The following ERG variants were observed in gnomAD, a reference collection of about 807,000 sequenced individuals.
ERG encodes the protein ETS transcription factor ERG, also known as transcriptional regulator ERG.
Under a neutral mutation model 55.3 loss-of-function variants are expected in ERG, and 9 were observed. That is an observed-to-expected ratio of 0.16 (90% CI 0.10 to 0.28). ERG has a LOEUF of 0.28. Among genes scored for constraint, ERG ranks in the 10% least tolerant of loss-of-function variants. The probability of loss-of-function intolerance (pLI) is 1.00; values close to 1 mark genes in which losing one functional copy is unlikely to be tolerated. For synonymous variants in ERG, 223 were observed against 237.3 expected (o/e 0.94, Z 0.55); for missense variants, 434 against 631.6 (o/e 0.69, Z 3.35).
intron 1 of ERG, among the ~76,000 whole-genome samples, chr21:38,636,285 A>G (rs1222312528): frequency 1.3e-5 from 2 of 152,190 alleles, no homozygotes; most frequent in Admixed American, 1.3e-4. Flanking sequence ...TCAGTTATGT[A>G]CTTATAGGAG....
intron 3 of ERG, among the ~76,000 whole-genome samples, chr21:38,423,115 G>GTGTGTA (rs934388179): frequency 3.3e-5 from 5 of 151,106 alleles, no homozygotes; most frequent in African/African-American, 1.2e-4. Context: ...GTGTGTGTGT[G>GTGTGTA]TGTGTGTGTA....
intron 1 of ERG, among the ~76,000 whole-genome samples, chr21:38,654,845 T>A (rs1303566903): frequency 6.6e-6 from 1 of 152,208 alleles, no homozygotes; most frequent in Non-Finnish European, 1.5e-5. Flanking sequence ...TTTGTGCAAT[T>A]ATAGACCCAG....
At chr21:38,585,532 C>CTTTT (rs760791568), upstream of ERG, among the ~76,000 whole-genome samples, 193 of 59,266 alleles carry the variant, frequency 3.3e-3, 36 homozygotes, top group African/African-American at 5.8e-3. Context: ...TCTCTCTCTT[C>CTTTT]TTTTTTTTTT....
At chr21:38,445,653 C>T (rs746711288) in intron 1 of ERG, 32 bp from the exon 2 acceptor site, 3 of 1,565,402 alleles carry the variant, frequency 1.9e-6, no homozygotes, top group Non-Finnish European at 2.6e-6. Flanking sequence ...TAATTCAAGA[C>T]ACTCCAACAG....
chr21:38,515,003 C>A (rs1017111430), intron 2 of ERG, among the ~76,000 whole-genome samples: 1 of 151,818 alleles, frequency 6.6e-6, no homozygotes, highest in African/African-American at 2.4e-5. Flanking sequence ...ATTAAAAATA[C>A]CTTACAATAT....
rs1363006786 is a variant in ERG at position 38,382,342 on chromosome 21, T to G, written c.*1061A>C. The G allele has an allele frequency of 1.1e-5, 12 of 1,058,638 alleles. No individual in the cohort carries two copies. Among genetic ancestry groups the G allele is most frequent in the Non-Finnish European group, 1.4e-5 (12 of 874,898 alleles). The allele number at this position is 1,058,638 out of a possible 1,614,324, so 65.6% of individuals were successfully genotyped here. A position where few individuals can be genotyped will look rare whatever the true frequency, so the allele number is the denominator to read the frequency against. On this transcript the variant is annotated 3_prime_UTR_variant, in exon 10 of 10. Transcript: ENST00000288319. Reference sequence around the variant, plus strand: ...CCAAAATGCCTGCGTGATTTCTGATTGTGGCAGCCAAGAAGGCCATCTCTT... The same window carrying G: ...CCAAAATGCCTGCGTGATTTCTGATGGTGGCAGCCAAGAAGGCCATCTCTT...
At position 38,647,957 on chromosome 21, in the gene ERG, A is replaced by C. The variant is rs141485081; in HGVS notation, c.-150+13701T>G. Among the ~76,000 whole-genome samples the C allele has an allele frequency of 4.9e-3, 748 of 152,320 alleles. 9 individuals carry two copies. Among genetic ancestry groups the C allele is most frequent in the African/African-American group, 0.017 (706 of 41,576 alleles). On this transcript the variant is annotated intron_variant, in intron 1 of 10. Coordinates refer to the ERG transcript ENST00000398910. ...GATGATTATGTTTATTTAAAACAGC[A>C]ACTTATTTTTTAATGTCTATGAACT...
At chr21:38,526,380 T>C (rs1292866064) in intron 2 of ERG, among the ~76,000 whole-genome samples, 1 of 152,208 alleles carries the variant, frequency 6.6e-6, no homozygotes, top group African/African-American at 2.4e-5. Context: ...ATCATAATTT[T>C]GTCTGAAGTA....
At chr21:38,412,646 T>C (rs951850262) in intron 3 of ERG, among the ~76,000 whole-genome samples, 2 of 152,178 alleles carry the variant, frequency 1.3e-5, no homozygotes, top group Admixed American at 1.3e-4. Flanking sequence ...TGAAGTGAGG[T>C]TCAATTAGCA....
rs2146453209 is a variant in ERG, at chr21:38,402,605, C to A, written c.625G>T (p.Asp209Tyr). The part of the protein sequence containing the change: ...PLPHLTSDDV[D>Y]KALQNSPRLM... Reference sequence around the variant, plus strand: ...CGTGGAGAGTTTTGTAAGGCTTTATCAACATCATCTGAAGTCAAATGTGGA... The same window carrying A: ...CGTGGAGAGTTTTGTAAGGCTTTATAAACATCATCTGAAGTCAAATGTGGA... The change falls in exon 5 of 10, where the codon GAT becomes TAT. Residue 209 changes from aspartate to tyrosine, a missense_variant. Transcript: ENST00000288319. The A allele has an allele frequency of 6.7e-7, 1 of 1,496,552 alleles. No homozygotes were observed. Among genetic ancestry groups the A allele is most frequent in the Non-Finnish European group, 9.0e-7 (1 of 1,111,722 alleles). 92.7% of individuals were successfully genotyped at this position (1,496,552 alleles called of 1,614,324 possible). A position where few individuals can be genotyped will look rare whatever the true frequency, so the allele number is the denominator to read the frequency against.
intron 1 of ERG, among the ~76,000 whole-genome samples, chr21:38,610,528 T>C (rs202205313): frequency 4.4e-3 from 285 of 65,098 alleles, no homozygotes; most frequent in Middle Eastern, 0.021. Context: ...CGCACGCGCG[T>C]GTGTGTGTGT....
At chr21:38,600,527 C>T (rs1254357109) in intron 1 of ERG, among the ~76,000 whole-genome samples, 1 of 152,146 alleles carries the variant, frequency 6.6e-6, no homozygotes, top group Admixed American at 6.5e-5. Flanking sequence ...GGACCCCATC[C>T]CATGTGGCGA....
At chr21:38,511,759 C>A (rs1461881298) in intron 2 of ERG, among the ~76,000 whole-genome samples, 1 of 152,180 alleles carries the variant, frequency 6.6e-6, no homozygotes, top group Non-Finnish European at 1.5e-5. Flanking sequence ...TCAACCTTGG[C>A]AGCATCAACA....
intron 6 of ERG, among the ~76,000 whole-genome samples, chr21:38,394,130 G>A (rs1988096390): frequency 6.6e-6 from 1 of 152,078 alleles, no homozygotes; most frequent in Non-Finnish European, 1.5e-5. Flanking sequence ...GGCAATCCTA[G>A]CCACATCTAA....
upstream of ERG, among the ~76,000 whole-genome samples, chr21:38,588,083 C>T (rs187635434): frequency 4.0e-3 from 607 of 152,318 alleles, 3 homozygotes; most frequent in Middle Eastern, 6.8e-3. Flanking sequence ...AAAGATGTCA[C>T]GAAGTCCACG....
At chr21:38,514,408 A>AAT (rs1031301819) in intron 2 of ERG, among the ~76,000 whole-genome samples, 5 of 151,906 alleles carry the variant, frequency 3.3e-5, no homozygotes, top group Admixed American at 3.3e-4. Flanking sequence ...ATACGACAAT[A>AAT]ATATATATTG....
At chr21:38,532,307 C>T in intron 2 of ERG, among the ~76,000 whole-genome samples, 1 of 149,708 alleles carries the variant, frequency 6.7e-6, no homozygotes, top group South Asian at 2.1e-4. Context: ...CGATTCCCCA[C>T]CCCCACCCAC....
chr21:38,383,549 C>G lies in ERG; in HGVS notation c.1294G>C (p.Ala432Pro). 1 of 1,589,056 alleles carries G rather than the reference C, an allele frequency of 6.3e-7. No individual in the cohort carries two copies. Among genetic ancestry groups the G allele is most frequent in the Non-Finnish European group, 8.6e-7 (1 of 1,163,820 alleles). ...HAHPQKMNFVAPHPPALPVTS... is the reference protein window; with the variant it reads ...HAHPQKMNFVPPHPPALPVTS... ...ACGGGGAGGGCTGGAGGGTGGGGCG[C>G]CACAAAGTTCATCTTCTGTGGGTGG... Residue 432 changes from alanine to proline, a missense_variant, in exon 10 of 10, where the codon GCG becomes CCG. Coordinates refer to ENST00000288319, the MANE Select transcript of ERG (RefSeq NM_182918.4). The surrounding 1 kb of genome is among the most constrained non-coding windows in gnomAD (Gnocchi z 5.7).
At chr21:38,600,170 G>A (rs1036968575) in intron 1 of ERG, among the ~76,000 whole-genome samples, 5 of 152,154 alleles carry the variant, frequency 3.3e-5, no homozygotes, top group Non-Finnish European at 7.4e-5. Flanking sequence ...AAACCTACCC[G>A]CAATCCCCAC....
Sources: gnomAD v4.1 joint callset for allele counts (sites outside exome capture counted in the v4.1 genomes callset) on GRCh38, gnomAD v4.1.1 for gene constraint, Gnocchi (gnomAD v3.1) non-coding constraint, MANE v1.5 for transcripts, NCBI Gene and HGNC (gene_info 2026-07-23, HGNC 2026-07-21) for gene names.